CRISP2: variants seen among roughly 807,000 people sequenced by gnomAD.
CRISP2 encodes cysteine rich secretory protein 2, also known as cysteine-rich secretory protein 2.
CRISP2 carries 29 observed loss-of-function variants against 31.7 expected under a neutral mutation model. The ratio of observed to expected loss-of-function variants is 0.92; its 90% CI spans 0.68 to 1.25. CRISP2 has a LOEUF of 1.25. Among genes scored for constraint, CRISP2 ranks in the 50% most tolerant of loss-of-function variants. The pLI, the probability that CRISP2 is intolerant of heterozygous loss-of-function variation, is 0.00. For synonymous variants in CRISP2, 111 were observed against 101.4 expected (o/e 1.09, Z -0.57); for missense variants, 318 against 286.5 (o/e 1.11, Z -0.79).
At chr6:49,684,952 T>A in the CRISP2 span, among the ~76,000 whole-genome samples, 1 of 152,192 alleles carries the variant, frequency 6.6e-6, no homozygotes, top group Non-Finnish European at 1.5e-5. Flanking sequence ...CTGTAGCATA[T>A]CCCCTTTTGT....
downstream of CRISP2, among the ~76,000 whole-genome samples, chr6:49,688,904 C>T (rs1051643616): frequency 1.3e-5 from 2 of 151,858 alleles, no homozygotes; most frequent in African/African-American, 4.8e-5. Context: ...GTTTTATTCT[C>T]GTTGCCCAGG....
At chr6:49,681,349 CTGTT>C in the CRISP2 span, among the ~76,000 whole-genome samples, 1 of 152,046 alleles carries the variant, frequency 6.6e-6, no homozygotes, top group Non-Finnish European at 1.5e-5. Flanking sequence ...TTCCACTGGT[CTGTT>C]TATCTGTTTT....
chr6:49,700,642 C>T (rs1765503376), intron 5 of CRISP2, 26 bp downstream of exon 5: 1 of 1,401,808 alleles, frequency 7.1e-7, no homozygotes, highest in South Asian at 1.2e-5. Flanking sequence ...GATTCACACC[C>T]ATCTCCTTAC....
the CRISP2 span, among the ~76,000 whole-genome samples, chr6:49,682,599 CTTTCTTTCTTTCTTTCTTTCTTT>C: frequency 1.6e-5 from 1 of 62,408 alleles, no homozygotes. Flanking sequence ...TTCTTTCTTT[CTTTCTTTCTTTCTTTCTTTCTTT>C]CTTTCTTTCT....
chr6:49,699,360 T>A (rs771127229), intron 6 of CRISP2, among the ~76,000 whole-genome samples: 1 of 152,068 alleles, frequency 6.6e-6, no homozygotes, highest in Non-Finnish European at 1.5e-5. Flanking sequence ...ATAAGTTCAA[T>A]ATATTTTATG....
chr6:49,711,503 T>C (rs958770810), intron 2 of CRISP2, among the ~76,000 whole-genome samples, 182 bp from the exon 3 acceptor site: 9 of 152,230 alleles, frequency 5.9e-5, no homozygotes, highest in Non-Finnish European at 1.0e-4. Flanking sequence ...CATTATTTGC[T>C]TCCCACATAG....
chr6:49,682,599 CTTTCT>C, the CRISP2 span, among the ~76,000 whole-genome samples: 1 of 62,408 alleles, frequency 1.6e-5, no homozygotes, highest in Non-Finnish European at 2.7e-5. Flanking sequence ...TTCTTTCTTT[CTTTCT>C]TTCTTTCTTT....
chr6:49,714,031 T>C (rs184025524), upstream of CRISP2, among the ~76,000 whole-genome samples: 43 of 152,302 alleles, frequency 2.8e-4, no homozygotes, highest in Admixed American at 2.6e-3. Flanking sequence ...CTCTTCCCCG[T>C]TGGCAACAGT....
Position 49,702,755 on chromosome 6 carries a change from G to A in CRISP2, c.67-1971C>T, listed in dbSNP as rs143224609. On this transcript the variant is annotated intron_variant, in intron 4 of 9. Coordinates refer to ENST00000339139, the MANE Select transcript of CRISP2 (RefSeq NM_003296.4). ...TTTTCTCCCATTCTGTGGGTTTTAT[G>A]TTTACTCTGCTGATTATTTGTTTTG... 5.3e-5 allele frequency among the ~76,000 whole-genome samples: 8 copies of A among 152,050 alleles called. No homozygotes were observed. In the East Asian group the frequency reaches 1.5e-3, roughly 29 times the overall value.
At chr6:49,709,239 T>G in intron 3 of CRISP2, 34 bp from the exon 4 acceptor site, 1 of 1,600,172 alleles carries the variant, frequency 6.2e-7, no homozygotes, top group South Asian at 1.1e-5. Flanking sequence ...TGCATTGAAA[T>G]ATGTAGTTTA....
In CRISP2 at chr6:49,701,689, ATATGTATACAT is replaced by A. The variant is rs1344238916; in HGVS notation, c.67-916_67-906del. Among the ~76,000 whole-genome samples the A allele has an allele frequency of 3.6e-3, 367 of 102,862 alleles. 12 individuals are homozygous for A. Among genetic ancestry groups the A allele is most frequent in the African/African-American group, 0.017 (341 of 20,068 alleles). 67.5% of individuals were successfully genotyped at this position (102,862 alleles called of 152,430 possible). ...TATACATTATATATGTATACATTATATATGTATACATTATGTATACATATATAATGTATATA... is the reference window on the plus strand; with the variant it reads ...TATACATTATATATGTATACATTATATATGTATACATATATAATGTATATA... On this transcript the variant is annotated intron_variant, in intron 4 of 9. Transcript: ENST00000339139.
chr6:49,686,934 T>C, the CRISP2 span, among the ~76,000 whole-genome samples: 3 of 152,088 alleles, frequency 2.0e-5, no homozygotes, highest in African/African-American at 7.2e-5. Flanking sequence ...ACCATCATTC[T>C]CAGCAAACTA....
intron 4 of CRISP2, among the ~76,000 whole-genome samples, chr6:49,702,175 A>G (rs139399755): frequency 0.15 from 15,949 of 108,848 alleles, 1,464 homozygotes; most frequent in African/African-American, 0.22. Context: ...ATATATATAT[A>G]TATATATAAC....
At chr6:49,682,632 T>C in the CRISP2 span, among the ~76,000 whole-genome samples, 5 of 70,486 alleles carry the variant, frequency 7.1e-5, no homozygotes, top group African/African-American at 3.4e-4. Context: ...TCTTTCTTTC[T>C]TTCTTTCTTT....
rs1332247662 is a variant in CRISP2 at position 49,696,602 on chromosome 6, GA to G, written c.516-679del. ...GAACTTAAAGTAAAAAAAAAAAAAAGAAAAAAAGATTAAAGAAAAGTTTTGA... is the reference window on the plus strand; with the variant it reads ...GAACTTAAAGTAAAAAAAAAAAAAAGAAAAAAGATTAAAGAAAAGTTTTGA... On this transcript the variant is annotated intron_variant, in intron 8 of 9. Transcript: ENST00000339139. Among the ~76,000 whole-genome samples, 1,072 of 146,376 alleles carry G rather than the reference GA, an allele frequency of 7.3e-3. 17 individuals carry two copies. The highest frequency in any genetic ancestry group is 0.025 in the African/African-American group (1,008 of 39,782).
At chr6:49,684,037 C>T in the CRISP2 span, among the ~76,000 whole-genome samples, 6 of 151,688 alleles carry the variant, frequency 4.0e-5, no homozygotes, top group Non-Finnish European at 1.5e-5. Flanking sequence ...TTTGATGTTC[C>T]TTGGCTGATT....
At position 49,695,834 on chromosome 6, in the gene CRISP2, A is replaced by T. The variant is rs146445212; in HGVS notation, c.604+2T>A. Reference sequence around the variant, plus strand: ...ATAGCAAGCTAATCACTTCAAACTTACTGCATAGTCCTTTGTCACAGTCAT... The same window carrying T: ...ATAGCAAGCTAATCACTTCAAACTTTCTGCATAGTCCTTTGTCACAGTCAT... On this transcript the variant is annotated splice_donor_variant, in intron 9 of 9. Coordinates refer to ENST00000339139, the MANE Select transcript of CRISP2 (RefSeq NM_003296.4). LOFTEE classifies it high-confidence loss of function. 219 of 1,598,824 alleles carry T rather than the reference A, an allele frequency of 1.4e-4. No individual in the cohort carries two copies. The African/African-American group carries it at 2.7e-3, about 20-fold the overall frequency.
chr6:49,689,519 C>T (rs1448643425), downstream of CRISP2, among the ~76,000 whole-genome samples: 2 of 151,872 alleles, frequency 1.3e-5, no homozygotes, highest in African/African-American at 2.4e-5. Context: ...AACTTACTAC[C>T]TAAACAACTC....
In CRISP2 at chr6:49,709,111, A is replaced by T. The variant is rs1234173013; in HGVS notation, c.66+20T>A. ...AAAGTTGCTGGATAGCTCTGAAAAG[A>T]TTTTCCATTTTAACCTTACCTTTCC... On this transcript the variant is annotated intron_variant, in intron 4 of 9. Transcript: ENST00000339139. 6 of 1,611,020 alleles carry T rather than the reference A, an allele frequency of 3.7e-6. No homozygotes were observed. The East Asian group carries it at 6.7e-5, about 18-fold the overall frequency.
Sources: allele counts gnomAD v4.1 joint callset (sites outside exome capture counted in the v4.1 genomes callset), GRCh38; gene constraint gnomAD v4.1.1; transcripts MANE v1.5; gene names NCBI Gene and HGNC (gene_info 2026-07-23, HGNC 2026-07-21).